PHKA1: variants seen among roughly 807,000 people sequenced by gnomAD.
PHKA1 encodes phosphorylase b kinase regulatory subunit alpha, skeletal muscle isoform.
Under a neutral mutation model 110.2 loss-of-function variants are expected in PHKA1, and 60 were observed. That is an observed-to-expected ratio of 0.54 (90% CI 0.44 to 0.68). The LOEUF (loss-of-function observed/expected upper bound fraction) is 0.68, where lower values mean the gene tolerates loss of function less well. Ranked by LOEUF, PHKA1 falls within the 30% of genes least tolerant of loss-of-function variation. The pLI is 0.00. For synonymous variants in PHKA1, 316 were observed against 333.6 expected (o/e 0.95, Z 0.58); for missense variants, 801 against 942.5 (o/e 0.85, Z 1.97).
At chrX:72,584,851 G>A (rs2052394826) in intron 29 of PHKA1, among the ~76,000 whole-genome samples, 1 of 106,143 alleles carries the variant, frequency 9.4e-6, no homozygotes, top group Non-Finnish European at 1.9e-5. Context: ...TGCTGTACCC[G>A]TTAACTCGTC....
chrX:72,601,897 T>C, intron 28 of PHKA1, 94 bp downstream of exon 28: 2 of 631,153 alleles, frequency 3.2e-6, no homozygotes, highest in East Asian at 3.5e-5. Flanking sequence ...CTCCATGACT[T>C]GTTATCTTAT....
rs1037648592 is a variant in PHKA1 at position 72,599,926 on chromosome X, T to C, written c.3072+2065A>G. The C allele has an allele frequency of 2.2e-5, 11 of 503,533 alleles. No homozygotes were observed. The African/African-American group carries it at 2.4e-4, about 11-fold the overall frequency. The allele number at this position is 503,533 out of a possible 1,213,427, so 41.5% of individuals were successfully genotyped here. A position where few individuals can be genotyped will look rare whatever the true frequency, so the allele number is the denominator to read the frequency against. The stretch of plus-strand genomic sequence containing the variant: ...AGATATGAGGCCAGGAAACAATTAT[T>C]TGTACTTTTAAGTCACTAGTGGAGT... On this transcript the variant is annotated intron_variant, in intron 28 of 31. Transcript: ENST00000373542.
intron 29 of PHKA1, among the ~76,000 whole-genome samples, chrX:72,592,285 A>G (rs941745399): frequency 8.9e-6 from 1 of 112,627 alleles, no homozygotes; most frequent in Non-Finnish European, 1.9e-5. Flanking sequence ...TACCTTTCCA[A>G]AAGATCACCT....
intron 8 of PHKA1, among the ~76,000 whole-genome samples, 164 bp downstream of exon 8, chrX:72,665,987 C>T (rs924952498): frequency 1.8e-5 from 2 of 112,114 alleles, no homozygotes; most frequent in Non-Finnish European, 1.9e-5. Flanking sequence ...CTACCAGGAA[C>T]GGCTGTAGAA....
intron 28 of PHKA1, among the ~76,000 whole-genome samples, chrX:72,596,702 G>A (rs2052594016): frequency 1.8e-5 from 2 of 111,660 alleles, no homozygotes; most frequent in African/African-American, 6.5e-5. Context: ...TCATTAAGAT[G>A]GCAATATTTC....
intron 14 of PHKA1, among the ~76,000 whole-genome samples, chrX:72,639,469 G>A (rs1348799451): frequency 1.8e-5 from 2 of 111,565 alleles, no homozygotes; most frequent in Non-Finnish European, 3.8e-5. Context: ...CTGGGAGGCG[G>A]TGGTTGCAGT....
At chrX:72,680,812 C>T (rs1398036137) in intron 5 of PHKA1, among the ~76,000 whole-genome samples, 8 of 84,992 alleles carry the variant, frequency 9.4e-5, no homozygotes, top group East Asian at 3.9e-4. Context: ...CAGTCTTTGC[C>T]GCCGCGCCGG....
At position 72,666,253 on chromosome X, in the gene PHKA1, C is replaced by T. The variant is rs782537020; in HGVS notation, c.762G>A (p.Glu254=). 1 of 1,208,174 alleles carries T rather than the reference C, an allele frequency of 8.3e-7. No individual in the cohort carries two copies. Among genetic ancestry groups the T allele is most frequent in the East Asian group, 3.0e-5 (1 of 33,829 alleles). ...CCACTGAGAGTAGACTAGCATCAAC[C>T]TCTTTTGATGTTGAAGCACGGGGCA... ...SLLPRASTSK[E]VDASLLSVVS... is the part of the protein sequence containing the mutation. The change falls in exon 8 of 32, where the codon GAG becomes GAA. Residue 254 remains glutamate, a synonymous_variant. Transcript: ENST00000373542.
chrX:72,640,193 T>C (rs1267184069), intron 14 of PHKA1, among the ~76,000 whole-genome samples: 3 of 111,371 alleles, frequency 2.7e-5, no homozygotes, highest in Non-Finnish European at 5.7e-5. Context: ...AATATAAAAC[T>C]TCTATACATG....
chrX:72,635,414 C>T, intron 15 of PHKA1, 115 bp from the exon 16 acceptor site: 1 of 675,073 alleles, frequency 1.5e-6, no homozygotes, highest in Non-Finnish European at 2.3e-6. Flanking sequence ...GCAATGATAC[C>T]CCCACATTTA....
At chrX:72,582,699 T>C in intron 30 of PHKA1, 101 bp from the exon 31 acceptor site, 3 of 571,972 alleles carry the variant, frequency 5.2e-6, no homozygotes, top group Non-Finnish European at 9.1e-6. Context: ...GCCATGAGCA[T>C]TGATTCAGCC....
chrX:72,618,401 A>G (rs1362204679), intron 21 of PHKA1, among the ~76,000 whole-genome samples: 3 of 112,129 alleles, frequency 2.7e-5, no homozygotes, highest in Non-Finnish European at 5.6e-5. Context: ...ATTTGACCAA[A>G]TAATGGAGGC....
At chrX:72,626,070 G>A (rs1300888261) in intron 17 of PHKA1, among the ~76,000 whole-genome samples, 2 of 110,291 alleles carry the variant, frequency 1.8e-5, no homozygotes, top group African/African-American at 6.6e-5. Flanking sequence ...GTGTACATGT[G>A]TGTATATATA....
intron 16 of PHKA1, among the ~76,000 whole-genome samples, chrX:72,629,985 G>A (rs1556285901): frequency 1.8e-5 from 2 of 111,984 alleles, no homozygotes; most frequent in African/African-American, 6.5e-5. Flanking sequence ...TACATACTTT[G>A]AGAACTATAT....
chrX:72,696,883 G>A (rs2054125469), intron 3 of PHKA1, among the ~76,000 whole-genome samples: 1 of 111,734 alleles, frequency 8.9e-6, no homozygotes, highest in Admixed American at 9.5e-5. Context: ...CTTGGTACCA[G>A]CATGAGCTAA....
intron 12 of PHKA1, among the ~76,000 whole-genome samples, chrX:72,651,002 C>T (rs186703259): frequency 9.1e-4 from 102 of 112,508 alleles, no homozygotes; most frequent in African/African-American, 3.1e-3. Flanking sequence ...GCATGAGCCA[C>T]TGCACCCAGC....
chrX:72,675,997 A>C, intron 6 of PHKA1, 73 bp downstream of exon 6: 1 of 736,698 alleles, frequency 1.4e-6, no homozygotes, highest in African/African-American at 2.1e-5. Flanking sequence ...CAGTCACATT[A>C]AGTTTTATCT....
chrX:72,580,681 A>G lies in PHKA1; in HGVS notation c.*321T>C. 3.3e-6 allele frequency: 1 copy of G among 305,061 alleles called. No homozygotes were observed. The highest frequency in any genetic ancestry group is 5.9e-5 in the South Asian group (1 of 16,865). The allele number at this position is 305,061 out of a possible 1,213,427, so 25.1% of individuals were successfully genotyped here. On this transcript the variant is annotated 3_prime_UTR_variant, in exon 32 of 32. Transcript: ENST00000373542. ...CTCCCCAAACAGGAGTTAGAAAACT[A>G]TATTGGTAACAGATCTAGAGAATAA...
chrX:72,653,429 A>C lies in PHKA1; in HGVS notation c.1137+6T>G. ...CAGCTACATGTTATGGCACTGTCTGACTCACCCTGTCAGGAGGAACACTGT... is the reference window on the plus strand; with the variant it reads ...CAGCTACATGTTATGGCACTGTCTGCCTCACCCTGTCAGGAGGAACACTGT... On this transcript the variant is annotated splice_donor_region_variant and intron_variant, in intron 11 of 31. Transcript: ENST00000373542. The C allele has an allele frequency of 8.5e-7, 1 of 1,170,152 alleles. No homozygotes were observed. The highest frequency in any genetic ancestry group is 1.2e-6 in the Non-Finnish European group (1 of 858,386).
Sources: allele counts gnomAD v4.1 joint callset (sites outside exome capture counted in the v4.1 genomes callset), GRCh38; gene constraint gnomAD v4.1.1; transcripts MANE v1.5; gene names NCBI Gene and HGNC (gene_info 2026-07-23, HGNC 2026-07-21).